Variants in ITPR1 observed in about 807,000 individuals in gnomAD.
ITPR1 encodes the protein inositol 1,4,5-trisphosphate-gated calcium channel ITPR1.
In ITPR1, 96 loss-of-function variants were observed where a neutral mutation model predicts 318.4. That is an observed-to-expected ratio of 0.30 (90% CI 0.26 to 0.36). The LOEUF (loss-of-function observed/expected upper bound fraction) is 0.36. Among genes scored for constraint, ITPR1 ranks in the 10% least tolerant of loss-of-function variants. ITPR1 has a pLI of 1.00. For missense variants in ITPR1, 2,440 were observed against 3,460.2 expected (o/e 0.71, Z 7.40); for synonymous variants, 1,312 against 1,289.9 (o/e 1.02, Z -0.37).
chr3:4,714,560 A>G (rs1360786757), intron 39 of ITPR1, among the ~76,000 whole-genome samples: 1 of 152,220 alleles, frequency 6.6e-6, no homozygotes, highest in East Asian at 1.9e-4. Flanking sequence ...TGTGAAGTCT[A>G]GATGAGATCA....
rs141664342 is a variant in ITPR1 at position 4,621,848 on chromosome 3, T to G, written c.164-5915T>G. 2.1e-3 allele frequency among the ~76,000 whole-genome samples: 318 copies of G among 152,326 alleles called. 1 individual carries two copies. Among genetic ancestry groups the G allele is most frequent in the African/African-American group, 7.4e-3 (308 of 41,594 alleles). ...GAGTTTTATGAAGGCTGGCTCCTCC[T>G]TTCTCCTCCTGCAACTCCAAGTTCA... On this transcript the variant is annotated intron_variant, in intron 4 of 61. Coordinates refer to ENST00000649015, the MANE Select transcript of ITPR1 (RefSeq NM_001378452.1).
intron 44 of ITPR1, among the ~76,000 whole-genome samples, chr3:4,756,257 C>G (rs1447787217): frequency 6.6e-6 from 1 of 152,162 alleles, no homozygotes. Context: ...CAAGCGGAAG[C>G]AACGATGTTT....
Position 4,694,492 on chromosome 3 carries a change from G to A in ITPR1, c.4281+751G>A, listed in dbSNP as rs114364422. Among the ~76,000 whole-genome samples, 1,125 of 152,140 alleles carry A rather than the reference G, an allele frequency of 7.4e-3. 13 individuals carry two copies. Among genetic ancestry groups the A allele is most frequent in the African/African-American group, 0.026 (1,080 of 41,506 alleles). Reference sequence around the variant, plus strand: ...AAAAACAGTCATGTGTCGCTTAGTGGTGGGGATATCTTTTGAGAAATGCGT... The same window carrying A: ...AAAAACAGTCATGTGTCGCTTAGTGATGGGGATATCTTTTGAGAAATGCGT... On this transcript the variant is annotated intron_variant, in intron 33 of 61. Coordinates refer to ENST00000649015, the MANE Select transcript of ITPR1 (RefSeq NM_001378452.1).
At chr3:4,846,101 G>C in intron 61 of ITPR1, 38 bp from the exon 62 acceptor site, 1 of 1,231,004 alleles carries the variant, frequency 8.1e-7, no homozygotes, top group Non-Finnish European at 1.2e-6. Context: ...CGTACAGGAA[G>C]TATCTGGGTC....
chr3:4,814,610 G>T (rs751531704), intron 58 of ITPR1, 48 bp downstream of exon 58: 3 of 1,219,774 alleles, frequency 2.5e-6, no homozygotes, highest in Non-Finnish European at 3.5e-6. Flanking sequence ...CGGGTGGGGT[G>T]GTTGGTGGGA....
chr3:4,663,943 T>A lies in ITPR1; in HGVS notation c.1554+737T>A, dbSNP rs146764774. Among the ~76,000 whole-genome samples the A allele has an allele frequency of 6.3e-3, 955 of 152,342 alleles. 10 individuals are homozygous for A. Among genetic ancestry groups the A allele is most frequent in the Middle Eastern group, 0.037 (11 of 294 alleles). Reference sequence around the variant, plus strand: ...GAGGGGCAAATTTCACTTAGTGATATGCATCCAAGGTTCTTCAGTGTCTGT... The same window carrying A: ...GAGGGGCAAATTTCACTTAGTGATAAGCATCCAAGGTTCTTCAGTGTCTGT... On this transcript the variant is annotated intron_variant, in intron 16 of 61. Coordinates refer to ENST00000649015, the MANE Select transcript of ITPR1 (RefSeq NM_001378452.1).
At chr3:4,701,487 C>A (rs1164030617) in intron 35 of ITPR1, among the ~76,000 whole-genome samples, 1 of 152,150 alleles carries the variant, frequency 6.6e-6, no homozygotes, top group African/African-American at 2.4e-5. Flanking sequence ...GCTGCCTCTG[C>A]TCCTGTCCTC....
chr3:4,643,467 C>T (rs2125155163), intron 7 of ITPR1, among the ~76,000 whole-genome samples: 1 of 152,192 alleles, frequency 6.6e-6, no homozygotes, highest in South Asian at 2.1e-4. Flanking sequence ...TAATATTTTA[C>T]AAAGAATAGG....
intron 4 of ITPR1, among the ~76,000 whole-genome samples, chr3:4,544,670 T>A (rs2084793091): frequency 6.6e-6 from 1 of 152,256 alleles, no homozygotes; most frequent in Non-Finnish European, 1.5e-5. Flanking sequence ...TGGACTGACA[T>A]TGCTAACTTC....
chr3:4,712,914 G>C (rs541889744), intron 39 of ITPR1, among the ~76,000 whole-genome samples: 1 of 152,176 alleles, frequency 6.6e-6, no homozygotes, highest in Non-Finnish European at 1.5e-5. Context: ...AAACTAATTA[G>C]AACATAGGTT....
At chr3:4,521,522 C>T (rs924015349) in intron 4 of ITPR1, among the ~76,000 whole-genome samples, 4 of 152,056 alleles carry the variant, frequency 2.6e-5, no homozygotes, top group African/African-American at 7.2e-5. Context: ...TGGAATGAAA[C>T]GTTCTTAATT....
At chr3:4,599,216 A>G (rs891934352) in intron 4 of ITPR1, among the ~76,000 whole-genome samples, 7 of 152,272 alleles carry the variant, frequency 4.6e-5, no homozygotes, top group African/African-American at 4.8e-5. Context: ...GAGAGGTTGA[A>G]TATGTTGCCT....
rs139089513 is a variant in ITPR1 at position 4,757,913 on chromosome 3, A to T, written c.5545-8617A>T. On this transcript the variant is annotated intron_variant, in intron 44 of 61. Coordinates refer to ENST00000649015, the MANE Select transcript of ITPR1 (RefSeq NM_001378452.1). ...GGCGTTGCTCTGTCACCCACAGAGT[A>T]TCTGTTCAAGCTGGGCAGGAGTGGG... 5.0e-4 allele frequency among the ~76,000 whole-genome samples: 76 copies of T among 152,266 alleles called. No homozygotes were observed. The East Asian group carries it at 9.7e-3, about 19-fold the overall frequency.
At chr3:4,742,532 T>C (rs1397145403) in intron 44 of ITPR1, among the ~76,000 whole-genome samples, 1 of 152,222 alleles carries the variant, frequency 6.6e-6, no homozygotes, top group African/African-American at 2.4e-5. Context: ...AGAGAACTCC[T>C]GAGATGTTTT....
intron 37 of ITPR1, among the ~76,000 whole-genome samples, chr3:4,707,988 T>C (rs1276486900): frequency 1.3e-5 from 2 of 152,052 alleles, no homozygotes; most frequent in Non-Finnish European, 2.9e-5. Flanking sequence ...ATTTTAAATA[T>C]AAAATGGTGA....
intron 37 of ITPR1, among the ~76,000 whole-genome samples, chr3:4,709,850 A>G (rs900923661): frequency 2.6e-5 from 4 of 152,240 alleles, no homozygotes; most frequent in African/African-American, 9.6e-5. Context: ...AAGTATTTCT[A>G]TATAGAAGAA....
At position 4,815,023 on chromosome 3, in the gene ITPR1, C is replaced by T. The variant is rs771275679; in HGVS notation, c.7702-30C>T. 3.2e-6 allele frequency: 5 copies of T among 1,586,902 alleles called. No individual in the cohort carries two copies. In the East Asian group the frequency reaches 1.1e-4, roughly 36 times the overall value. On this transcript the variant is annotated intron_variant, in intron 58 of 61. Transcript: ENST00000649015. ...GCAGACCAAAGGGTCGCAAGGGACC[C>T]AGACTGATCCAGACACCTCTCTTTT... is the stretch of plus-strand genomic sequence containing the variant.
rs1179251081 is a variant in ITPR1 at position 4,775,237 on chromosome 3, T to G, written c.5980-5T>G. ...TCACCGAACCTGGGGACTACCCAAT[T>G]GCAGAACTTCCTCCGTTGCCAAAAT... On this transcript the variant is annotated splice_polypyrimidine_tract_variant and splice_region_variant and intron_variant, in intron 46 of 61. Transcript: ENST00000649015. 1 of 1,612,178 alleles carries G rather than the reference T, an allele frequency of 6.2e-7. No homozygotes were observed. Among genetic ancestry groups the G allele is most frequent in the Non-Finnish European group, 8.5e-7 (1 of 1,178,328 alleles).
intron 36 of ITPR1, among the ~76,000 whole-genome samples, chr3:4,705,128 C>G (rs986884280): frequency 6.6e-6 from 1 of 151,966 alleles, no homozygotes; most frequent in Non-Finnish European, 1.5e-5. Flanking sequence ...TGAGTACTTT[C>G]TTTGCTTCTA....
Sources: allele counts gnomAD v4.1 joint callset (sites outside exome capture counted in the v4.1 genomes callset), GRCh38; gene constraint gnomAD v4.1.1; transcripts MANE v1.5; gene names NCBI Gene and HGNC (gene_info 2026-07-23, HGNC 2026-07-21).